Variants in HS6ST2 observed in about 807,000 individuals in gnomAD.
HS6ST2 encodes the protein heparan-sulfate 6-O-sulfotransferase 2.
In HS6ST2, 17 loss-of-function variants were observed where a neutral mutation model predicts 33.0. The observed-to-expected ratio is 0.52, with a 90% CI of 0.35 to 0.77. The LOEUF (loss-of-function observed/expected upper bound fraction) is 0.77, where lower values mean the gene tolerates loss of function less well. Among genes scored for constraint, HS6ST2 ranks in the 30% least tolerant of loss-of-function variants. The pLI is 0.01. For missense variants in HS6ST2, 519 were observed against 551.7 expected (o/e 0.94, Z 0.59); for synonymous variants, 248 against 237.1 (o/e 1.05, Z -0.42).
chrX:132,679,753 G>C (rs1334146571), intron 3 of HS6ST2, among the ~76,000 whole-genome samples: 3 of 103,659 alleles, frequency 2.9e-5, no homozygotes, highest in African/African-American at 7.3e-5. Flanking sequence ...AACCACGCCT[G>C]GGGGGGGGCC....
At chrX:132,959,883 G>A (rs982227868), upstream of HS6ST2, among the ~76,000 whole-genome samples, 5 of 112,104 alleles carry the variant, frequency 4.5e-5, no homozygotes, top group African/African-American at 1.6e-4. Context: ...GCCAAATAAG[G>A]AACAGGCCGT....
chrX:132,774,774 G>A (rs1322896315), intron 2 of HS6ST2, among the ~76,000 whole-genome samples: 1 of 110,474 alleles, frequency 9.1e-6, no homozygotes, highest in African/African-American at 3.3e-5. Context: ...TCTGCCTTCT[G>A]AGTTCAAGTG....
At chrX:132,891,632 G>A (rs923106979) in intron 2 of HS6ST2, among the ~76,000 whole-genome samples, 3 of 110,271 alleles carry the variant, frequency 2.7e-5, no homozygotes, top group Admixed American at 9.7e-5. Flanking sequence ...GAGAACATGC[G>A]GTGTTTGATT....
At chrX:132,786,477 T>C (rs754850533) in intron 2 of HS6ST2, among the ~76,000 whole-genome samples, 2 of 111,793 alleles carry the variant, frequency 1.8e-5, no homozygotes, top group African/African-American at 3.3e-5. Flanking sequence ...ACCTTGAGCT[T>C]TGTCATTACT....
At chrX:132,880,090 G>A (rs1309325400) in intron 2 of HS6ST2, among the ~76,000 whole-genome samples, 2 of 111,847 alleles carry the variant, frequency 1.8e-5, no homozygotes, top group Non-Finnish European at 3.8e-5. Flanking sequence ...TACTCCAGGT[G>A]TGAACTAAAA....
chrX:132,810,213 C>T (rs1338446754), intron 2 of HS6ST2, among the ~76,000 whole-genome samples: 1 of 110,514 alleles, frequency 9.0e-6, no homozygotes, highest in African/African-American at 3.3e-5. Flanking sequence ...TGAGATCAGC[C>T]TTGGCAACAT....
chrX:132,950,848 T>C (rs750946250), intron 2 of HS6ST2, among the ~76,000 whole-genome samples: 2 of 112,066 alleles, frequency 1.8e-5, no homozygotes, highest in Non-Finnish European at 3.8e-5. Flanking sequence ...ATCATAACTA[T>C]TGATCTTTTT....
intron 3 of HS6ST2, among the ~76,000 whole-genome samples, chrX:132,670,771 C>A (rs1016452454): frequency 8.9e-6 from 1 of 112,390 alleles, no homozygotes; most frequent in Non-Finnish European, 1.9e-5. Flanking sequence ...CAAAATTGTG[C>A]GATTGCACTC....
intron 2 of HS6ST2, among the ~76,000 whole-genome samples, chrX:132,854,953 T>C (rs1277683798): frequency 1.8e-5 from 2 of 112,429 alleles, no homozygotes; most frequent in Non-Finnish European, 3.8e-5. Context: ...ATTTCCAAAA[T>C]GCTAGAGAAA....
intron 2 of HS6ST2, among the ~76,000 whole-genome samples, chrX:132,798,326 A>G (rs2065204569): frequency 9.0e-6 from 1 of 111,511 alleles, no homozygotes; most frequent in African/African-American, 3.3e-5. Context: ...CAGGAAACTG[A>G]GGTCCCAAGA....
intron 2 of HS6ST2, among the ~76,000 whole-genome samples, chrX:132,891,399 TTC>T (rs2066309925): frequency 1.8e-5 from 2 of 108,630 alleles, no homozygotes; most frequent in African/African-American, 6.7e-5. Flanking sequence ...TTTATTATTA[TTC>T]TACTTTAAGT....
intron 2 of HS6ST2, among the ~76,000 whole-genome samples, chrX:132,848,189 A>G (rs1404916201): frequency 9.8e-5 from 11 of 111,929 alleles, no homozygotes; most frequent in African/African-American, 3.6e-4. Context: ...CCAGTACTGT[A>G]TTTAACACGA....
At chrX:132,634,200 T>A (rs780818680) in intron 4 of HS6ST2, among the ~76,000 whole-genome samples, 31 of 112,205 alleles carry the variant, frequency 2.8e-4, no homozygotes, top group African/African-American at 1.0e-3. Flanking sequence ...AATGCCTGGA[T>A]TCAGGCATTG....
chrX:132,729,470 T>A (rs2064433582), intron 2 of HS6ST2, among the ~76,000 whole-genome samples: 1 of 110,994 alleles, frequency 9.0e-6, no homozygotes, highest in Admixed American at 9.6e-5. Flanking sequence ...GTCCCCAGAA[T>A]CATTCAGGGA....
At chrX:132,895,659 T>C (rs1200156330) in intron 2 of HS6ST2, among the ~76,000 whole-genome samples, 2 of 111,679 alleles carry the variant, frequency 1.8e-5, no homozygotes, top group Non-Finnish European at 3.8e-5. Flanking sequence ...TACTAGGTTA[T>C]GATAATGTGA....
At chrX:132,930,060 G>A (rs887686182) in intron 2 of HS6ST2, among the ~76,000 whole-genome samples, 2 of 111,751 alleles carry the variant, frequency 1.8e-5, no homozygotes, top group African/African-American at 6.5e-5. Context: ...ATCAAGGTGG[G>A]TGGGCAGAAC....
At chrX:132,772,529 A>G (rs1168986679) in intron 2 of HS6ST2, among the ~76,000 whole-genome samples, 1 of 105,771 alleles carries the variant, frequency 9.5e-6, no homozygotes, top group Non-Finnish European at 1.9e-5. Context: ...TATTGCATAC[A>G]ATATAAATAA....
intron 2 of HS6ST2, among the ~76,000 whole-genome samples, chrX:132,813,123 T>G (rs1177337287): frequency 8.9e-6 from 1 of 111,976 alleles, no homozygotes; most frequent in Non-Finnish European, 1.9e-5. Flanking sequence ...TCATTCAGTT[T>G]CCAAACCACT....
chrX:132,703,581 T>G (rs1054623637), intron 3 of HS6ST2, among the ~76,000 whole-genome samples: 2 of 112,444 alleles, frequency 1.8e-5, no homozygotes, highest in African/African-American at 3.2e-5. Flanking sequence ...ATAACTCATT[T>G]ACAACTAATT....
Sources: gnomAD v4.1 joint callset for allele counts (sites outside exome capture counted in the v4.1 genomes callset) on GRCh38, gnomAD v4.1.1 for gene constraint, MANE v1.5 for transcripts, NCBI Gene and HGNC (gene_info 2026-07-23, HGNC 2026-07-21) for gene names.